Variants in ARB2A observed in about 807,000 individuals in gnomAD.
ARB2A encodes cotranscriptional regulator ARB2A.
the ARB2A span, among the ~76,000 whole-genome samples, chr5:93,981,157 C>T: frequency 6.6e-6 from 1 of 151,712 alleles, no homozygotes; most frequent in African/African-American, 2.4e-5. Flanking sequence ...TAGCCTTGAC[C>T]TCTGGGCACA....
At chr5:93,713,175 A>T in the ARB2A span, among the ~76,000 whole-genome samples, 31 of 152,320 alleles carry the variant, frequency 2.0e-4, no homozygotes, top group South Asian at 3.5e-3. Flanking sequence ...TAGCTCAAAA[A>T]TTCAGGCAAT....
At chr5:93,887,573 AC>A in the ARB2A span, among the ~76,000 whole-genome samples, 6 of 151,902 alleles carry the variant, frequency 3.9e-5, no homozygotes, top group South Asian at 2.1e-4. Flanking sequence ...AAACAAACAA[AC>A]AAAAAACTTA....
the ARB2A span, among the ~76,000 whole-genome samples, chr5:94,068,079 C>G: frequency 6.6e-6 from 1 of 152,314 alleles, no homozygotes; most frequent in African/African-American, 2.4e-5. Flanking sequence ...TTTCTTACAG[C>G]TCCCAAGATG....
At chr5:93,636,009 C>A in the ARB2A span, among the ~76,000 whole-genome samples, 1 of 152,068 alleles carries the variant, frequency 6.6e-6, no homozygotes, top group Non-Finnish European at 1.5e-5. Flanking sequence ...GATGATGATT[C>A]CCATTTTGAA....
chr5:94,065,368 G>C, the ARB2A span, among the ~76,000 whole-genome samples: 1 of 152,104 alleles, frequency 6.6e-6, no homozygotes, highest in Non-Finnish European at 1.5e-5. Context: ...ATACAAATTA[G>C]TCGGGGATGG....
the ARB2A span, among the ~76,000 whole-genome samples, chr5:93,784,810 A>G: frequency 1.3e-5 from 2 of 152,194 alleles, no homozygotes; most frequent in African/African-American, 4.8e-5. Context: ...TTCTTTTACA[A>G]GTTTCTTCCA....
chr5:94,094,373 G>T, the ARB2A span, among the ~76,000 whole-genome samples: 17 of 152,242 alleles, frequency 1.1e-4, no homozygotes, highest in African/African-American at 4.1e-4. Context: ...TTCTTACGAA[G>T]ACACTAATCC....
the ARB2A span, among the ~76,000 whole-genome samples, chr5:93,846,029 AC>A: frequency 9.9e-5 from 15 of 151,538 alleles, no homozygotes; most frequent in Non-Finnish European, 7.4e-5. Flanking sequence ...ACACACACAC[AC>A]ACACACAATC....
chr5:93,850,367 T>C, the ARB2A span, among the ~76,000 whole-genome samples: 1 of 152,138 alleles, frequency 6.6e-6, no homozygotes, highest in Non-Finnish European at 1.5e-5. Context: ...TCCAGAACCT[T>C]AGCTGTGAGA....
At chr5:93,788,291 C>CT in the ARB2A span, among the ~76,000 whole-genome samples, 756 of 152,214 alleles carry the variant, frequency 5.0e-3, 43 homozygotes, top group East Asian at 0.12. Flanking sequence ...ATGAGTTCGT[C>CT]TGAGTATAAT....
the ARB2A span, among the ~76,000 whole-genome samples, chr5:93,723,292 T>A: frequency 6.6e-6 from 1 of 152,168 alleles, no homozygotes; most frequent in Non-Finnish European, 1.5e-5. Context: ...AAGACTGACC[T>A]CTAGTCTGCT....
the ARB2A span, among the ~76,000 whole-genome samples, chr5:93,925,859 TAATGAGGGG>T: frequency 6.6e-6 from 1 of 152,184 alleles, no homozygotes; most frequent in Non-Finnish European, 1.5e-5. Flanking sequence ...TCTATTTCAC[TAATGAGGGG>T]CTTCACTACT....
the ARB2A span, among the ~76,000 whole-genome samples, chr5:93,981,841 T>G: frequency 6.6e-6 from 1 of 152,094 alleles, no homozygotes; most frequent in Non-Finnish European, 1.5e-5. Context: ...CAATAAGCAA[T>G]GAAGTTCATC....
At chr5:93,976,444 G>T in the ARB2A span, among the ~76,000 whole-genome samples, 2 of 152,140 alleles carry the variant, frequency 1.3e-5, no homozygotes, top group Non-Finnish European at 2.9e-5. Context: ...ATCTGATATG[G>T]TTTGTTTGGC....
the ARB2A span, among the ~76,000 whole-genome samples, chr5:93,867,096 T>A: frequency 6.6e-6 from 1 of 152,206 alleles, no homozygotes; most frequent in Middle Eastern, 3.2e-3. Flanking sequence ...GATTTACTTA[T>A]CAGTGTAAAA....
At chr5:94,098,388 G>C in the ARB2A span, among the ~76,000 whole-genome samples, 1 of 151,884 alleles carries the variant, frequency 6.6e-6, no homozygotes, top group African/African-American at 2.4e-5. Context: ...ATGACTTCTG[G>C]GTAAATAATC....
chr5:93,634,727 G>A, the ARB2A span, among the ~76,000 whole-genome samples: 1 of 152,142 alleles, frequency 6.6e-6, no homozygotes, highest in South Asian at 2.1e-4. Flanking sequence ...AACTTTAAAT[G>A]CAGATGGAAA....
the ARB2A span, among the ~76,000 whole-genome samples, chr5:94,046,631 G>A: frequency 2.0e-5 from 3 of 152,148 alleles, no homozygotes; most frequent in East Asian, 1.9e-4. Flanking sequence ...ATCTTAAAGT[G>A]CCTGCTTTCT....
the ARB2A span, among the ~76,000 whole-genome samples, chr5:93,829,248 G>T: frequency 6.6e-6 from 1 of 152,088 alleles, no homozygotes; most frequent in African/African-American, 2.4e-5. Flanking sequence ...AAGACACACA[G>T]AACAGTCTCT....
Sources: allele counts gnomAD v4.1 joint callset (sites outside exome capture counted in the v4.1 genomes callset), GRCh38; gene constraint gnomAD v4.1.1; transcripts MANE v1.5; gene names NCBI Gene and HGNC (gene_info 2026-07-23, HGNC 2026-07-21).